The following SMAD3 variants were observed in gnomAD, a reference collection of about 807,000 sequenced individuals.
SMAD3 encodes SMAD family member 3.
SMAD3 carries 12 observed loss-of-function variants against 51.8 expected under a neutral mutation model. The observed-to-expected ratio is 0.23, with a 90% CI of 0.15 to 0.38. SMAD3 has a LOEUF of 0.38. Among genes scored for constraint, SMAD3 ranks in the 10% least tolerant of loss-of-function variants. The pLI is 1.00. For synonymous variants in SMAD3, 238 were observed against 227.7 expected (o/e 1.05, Z -0.41); for missense variants, 294 against 565.6 (o/e 0.52, Z 4.87).
Position 67,160,013 on chromosome 15 carries a change from G to T in SMAD3, c.207-4882G>T, listed in dbSNP as rs1962384164. Among the ~76,000 whole-genome samples, 5 of 152,164 alleles carry T rather than the reference G, an allele frequency of 3.3e-5. No homozygotes were observed. The South Asian group carries it at 1.0e-3, about 32-fold the overall frequency. The stretch of plus-strand genomic sequence containing the variant: ...TTTATTTCTCTTGGGTAAATACTTT[G>T]AAGTGGAATGGTGGATCATATGGTA... On this transcript the variant is annotated intron_variant, in intron 1 of 8. Coordinates refer to ENST00000327367, the MANE Select transcript of SMAD3 (RefSeq NM_005902.4).
chr15:67,118,466 T>C (rs1311868800), intron 1 of SMAD3, among the ~76,000 whole-genome samples: 1 of 152,216 alleles, frequency 6.6e-6, no homozygotes, highest in East Asian at 1.9e-4. Context: ...TAGAGTAAGA[T>C]CAGGACTGGG....
intron 4 of SMAD3, among the ~76,000 whole-genome samples, chr15:67,167,789 T>C (rs911044299): frequency 2.0e-5 from 3 of 152,100 alleles, no homozygotes; most frequent in Non-Finnish European, 2.9e-5. Context: ...AGCTGCCACA[T>C]AGAATGTGTA....
At chr15:67,190,206 A>G (rs56215932) in intron 8 of SMAD3, among the ~76,000 whole-genome samples, 1 of 152,152 alleles carries the variant, frequency 6.6e-6, no homozygotes, top group Non-Finnish European at 1.5e-5. Context: ...TTCCCCCTCA[A>G]GAGAACTTAA....
intron 1 of SMAD3, among the ~76,000 whole-genome samples, chr15:67,119,730 G>GC (rs1227623566): frequency 2.0e-5 from 3 of 152,232 alleles, no homozygotes; most frequent in African/African-American, 7.2e-5. Flanking sequence ...AAAAGTCATA[G>GC]CAAGTTGATA....
chr15:67,089,675 G>C (rs532515532), intron 1 of SMAD3, among the ~76,000 whole-genome samples: 1 of 152,178 alleles, frequency 6.6e-6, no homozygotes, highest in East Asian at 1.9e-4. Context: ...TTTTCCAACT[G>C]ATGTCACTGG....
chr15:67,097,452 C>G (rs1960638949), intron 1 of SMAD3, among the ~76,000 whole-genome samples: 1 of 151,930 alleles, frequency 6.6e-6, no homozygotes, highest in African/African-American at 2.4e-5. Context: ...CTATGTTGCC[C>G]CAGGCTAGTC....
At position 67,071,766 on chromosome 15, in the gene SMAD3, C is replaced by T. The variant is rs562555853; in HGVS notation, c.206+5406C>T. 4.6e-5 allele frequency among the ~76,000 whole-genome samples: 7 copies of T among 152,192 alleles called. No individual in the cohort carries two copies. In the East Asian group the frequency reaches 1.2e-3, roughly 25 times the overall value. ...GGCGGAGCTTGCAGTGAGCCGAGAT[C>T]GCGCCACTGCACTCCAGCCTGGGCG... On this transcript the variant is annotated intron_variant, in intron 1 of 8. Coordinates refer to ENST00000327367, the MANE Select transcript of SMAD3 (RefSeq NM_005902.4).
chr15:67,118,007 G>C (rs903851334), intron 1 of SMAD3, among the ~76,000 whole-genome samples: 5 of 152,244 alleles, frequency 3.3e-5, no homozygotes, highest in Non-Finnish European at 7.3e-5. Flanking sequence ...CAGGAGAATT[G>C]CTTGAACCTT....
Position 67,193,271 on chromosome 15 carries a change from A to T in SMAD3, c.*2735A>T, listed in dbSNP as rs1963411458. ...TAGCAGTTTTAAGTGGCGTTCACCT[A>T]GTCAACACGACCGCGTGTGTTGCCC... On this transcript the variant is annotated 3_prime_UTR_variant, in exon 9 of 9. Transcript: ENST00000327367. 8.6e-6 allele frequency: 2 copies of T among 233,412 alleles called. No homozygotes were observed. The highest frequency in any genetic ancestry group is 1.2e-4 in the East Asian group (2 of 16,726). The allele number at this position is 233,412 out of a possible 1,614,324, so 14.5% of individuals were successfully genotyped here.
At chr15:67,146,923 C>G (rs1961990601) in intron 1 of SMAD3, 1 of 152,188 alleles carries the variant, frequency 6.6e-6, no homozygotes, top group Non-Finnish European at 1.5e-5. Context: ...TGGTTACAGC[C>G]AGGCAGAGTT....
At chr15:67,088,713 G>C (rs1009555180) in intron 1 of SMAD3, among the ~76,000 whole-genome samples, 4 of 152,162 alleles carry the variant, frequency 2.6e-5, no homozygotes, top group African/African-American at 9.7e-5. Context: ...CGAATCACGA[G>C]GTCAGGAGTT....
At chr15:67,085,054 G>T (rs1960359774) in intron 1 of SMAD3, among the ~76,000 whole-genome samples, 1 of 152,198 alleles carries the variant, frequency 6.6e-6, no homozygotes, top group Non-Finnish European at 1.5e-5. Flanking sequence ...CGACTAGGAT[G>T]CTCGGGAATC....
intron 1 of SMAD3, among the ~76,000 whole-genome samples, chr15:67,089,314 A>C (rs1003950464): frequency 6.6e-6 from 1 of 152,118 alleles, no homozygotes; most frequent in African/African-American, 2.4e-5. Context: ...CAGAAAAATG[A>C]GCCAAATTTC....
At position 67,125,784 on chromosome 15, in the gene SMAD3, G is replaced by A. The variant is rs574101584; in HGVS notation, c.207-39111G>A. The stretch of plus-strand genomic sequence containing the variant: ...TGCTGCTGAGTTCACTGGTGCTGGG[G>A]TTAGGTCACTGCTGGGCTGAAGCGC... On this transcript the variant is annotated intron_variant, in intron 1 of 8. Transcript: ENST00000327367. 28 of 985,606 alleles carry A rather than the reference G, an allele frequency of 2.8e-5. No individual in the cohort carries two copies. The South Asian group carries it at 1.2e-3, about 43-fold the overall frequency. The allele number at this position is 985,606 out of a possible 1,614,324, so 61.1% of individuals were successfully genotyped here.
At chr15:67,099,065 C>G (rs748681179) in intron 1 of SMAD3, 1 of 699,362 alleles carries the variant, frequency 1.4e-6, no homozygotes, top group East Asian at 2.7e-5. Flanking sequence ...GGTTGCCGCC[C>G]TGTTGATTCA....
chr15:67,078,051 A>G (rs12901071), intron 1 of SMAD3: 38,087 of 152,254 alleles, frequency 0.25, 5,935 homozygotes, highest in South Asian at 0.4. Context: ...GGTCAGAGTC[A>G]TAATCCCTTA....
At chr15:67,137,964 C>T (rs1961707704) in intron 1 of SMAD3, 3 of 1,203,128 alleles carry the variant, frequency 2.5e-6, no homozygotes, top group African/African-American at 1.5e-5. Flanking sequence ...CTAGGAAGGG[C>T]TGTATTGTCC....
chr15:67,152,212 A>C (rs912163119), intron 1 of SMAD3, among the ~76,000 whole-genome samples: 5 of 152,162 alleles, frequency 3.3e-5, no homozygotes, highest in Admixed American at 2.6e-4. Flanking sequence ...GGGCTGATAA[A>C]TGTTTTTACC....
At chr15:67,106,590 CA>C (rs1960882056) in intron 1 of SMAD3, among the ~76,000 whole-genome samples, 1 of 152,152 alleles carries the variant, frequency 6.6e-6, no homozygotes, top group African/African-American at 2.4e-5. Context: ...CTCTTGAGGT[CA>C]GGGGCCATTT....
Sources: allele counts gnomAD v4.1 joint callset (sites outside exome capture counted in the v4.1 genomes callset), GRCh38; gene constraint gnomAD v4.1.1; transcripts MANE v1.5; gene names NCBI Gene and HGNC (gene_info 2026-07-23, HGNC 2026-07-21).